The following CHODL variants were observed in gnomAD, a reference collection of about 807,000 sequenced individuals.
CHODL encodes the protein chondrolectin, also known as transmembrane protein MT75.
Under a neutral mutation model 34.5 loss-of-function variants are expected in CHODL, and 29 were observed. That is an observed-to-expected ratio of 0.84 (90% confidence interval 0.63 to 1.15). The LOEUF (loss-of-function observed/expected upper bound fraction) is 1.15, where lower values mean the gene tolerates loss of function less well. CHODL is among the 50% of genes most tolerant of loss of function. The probability of loss-of-function intolerance (pLI) is 0.00; values close to 1 mark genes in which losing one functional copy is unlikely to be tolerated. For missense variants in CHODL, 332 were observed against 332.5 expected (o/e 1.00, Z 0.01); for synonymous variants, 125 against 116.1 (o/e 1.08, Z -0.49).
chr21:18,197,703 C>T (rs1401469995), intron 2 of CHODL, among the ~76,000 whole-genome samples: 3 of 152,026 alleles, frequency 2.0e-5, no homozygotes, highest in Non-Finnish European at 4.4e-5. Flanking sequence ...AGAGTAAAAC[C>T]GAGGGAGAAA....
At chr21:18,104,549 A>T (rs908610858) in intron 2 of CHODL, among the ~76,000 whole-genome samples, 1 of 152,172 alleles carries the variant, frequency 6.6e-6, no homozygotes, top group Non-Finnish European at 1.5e-5. Flanking sequence ...AAAATATACC[A>T]TAGTCATAGA....
chr21:18,251,231 A>G (rs2074232488), intron 1 of CHODL, among the ~76,000 whole-genome samples: 1 of 150,536 alleles, frequency 6.6e-6, no homozygotes, highest in African/African-American at 2.4e-5. Context: ...TCATCTACTT[A>G]TTCATGGAAA....
chr21:18,125,295 T>G (rs1250038859), intron 2 of CHODL, among the ~76,000 whole-genome samples: 1 of 152,208 alleles, frequency 6.6e-6, no homozygotes, highest in Non-Finnish European at 1.5e-5. Flanking sequence ...TCAGTAAATA[T>G]TTTCTGATCT....
intron 1 of CHODL, among the ~76,000 whole-genome samples, chr21:17,922,282 C>T (rs1423263619): frequency 6.6e-6 from 1 of 151,968 alleles, no homozygotes; most frequent in African/African-American, 2.4e-5. Flanking sequence ...TCTGTGAGCT[C>T]ACTCATGTCT....
chr21:18,248,407 A>G (rs2074170281), intron 1 of CHODL, among the ~76,000 whole-genome samples: 2 of 151,388 alleles, frequency 1.3e-5, no homozygotes, highest in African/African-American at 4.9e-5. Context: ...TACTTTAAGT[A>G]TCTCTCGGGC....
intron 2 of CHODL, among the ~76,000 whole-genome samples, chr21:18,211,168 A>ACACACACACT (rs756032552): frequency 2.2e-5 from 3 of 133,762 alleles, no homozygotes; most frequent in African/African-American, 7.9e-5. Context: ...ACACACACAC[A>ACACACACACT]CTCACACTCA....
At chr21:18,207,564 A>T (rs2146717554) in intron 2 of CHODL, among the ~76,000 whole-genome samples, 1 of 147,168 alleles carries the variant, frequency 6.8e-6, no homozygotes, top group East Asian at 2.0e-4. Context: ...CCTTCAGATA[A>T]TTTTTTATTG....
upstream of CHODL, among the ~76,000 whole-genome samples, chr21:18,239,916 A>G (rs2074065283): frequency 6.6e-6 from 1 of 152,064 alleles, no homozygotes; most frequent in African/African-American, 2.4e-5. Context: ...TCATTTTTAT[A>G]GGAAAAAATA....
intron 2 of CHODL, among the ~76,000 whole-genome samples, chr21:18,084,575 G>C (rs1171417138): frequency 6.6e-6 from 1 of 152,032 alleles, no homozygotes; most frequent in African/African-American, 2.4e-5. Flanking sequence ...TGTATAGTTT[G>C]TGAAGGTCTT....
At chr21:18,107,667 G>A (rs1438659965) in intron 2 of CHODL, among the ~76,000 whole-genome samples, 1 of 152,190 alleles carries the variant, frequency 6.6e-6, no homozygotes, top group Non-Finnish European at 1.5e-5. Flanking sequence ...GGGAAATGAA[G>A]TTTCCTCCCA....
chr21:18,133,991 C>T lies in CHODL; in HGVS notation c.-45+106020C>T, dbSNP rs575617890. On this transcript the variant is annotated intron_variant, in intron 2 of 6. Transcript: ENST00000400127. ...ACTATTATATCATCTGTATCAATTACCTATCTATCTCTCTATCATCTATCT... is the reference window on the plus strand; with the variant it reads ...ACTATTATATCATCTGTATCAATTATCTATCTATCTCTCTATCATCTATCT... 1.3e-4 allele frequency among the ~76,000 whole-genome samples: 20 copies of T among 152,252 alleles called. No homozygotes were observed. In the South Asian group the frequency reaches 2.9e-3, roughly 22 times the overall value.
chr21:18,233,359 G>T (rs1254008189), intron 2 of CHODL, among the ~76,000 whole-genome samples: 2 of 152,014 alleles, frequency 1.3e-5, no homozygotes. Context: ...CCACCCTTTT[G>T]CTGTGTGTAT....
intron 2 of CHODL, among the ~76,000 whole-genome samples, chr21:18,207,786 A>G (rs1355090622): frequency 6.7e-6 from 1 of 149,110 alleles, no homozygotes; most frequent in Non-Finnish European, 1.5e-5. Context: ...ATCTCATGCC[A>G]CTCTCTCCTG....
At chr21:18,162,461 G>A (rs554950246) in intron 2 of CHODL, among the ~76,000 whole-genome samples, 10 of 149,948 alleles carry the variant, frequency 6.7e-5, no homozygotes, top group Non-Finnish European at 1.5e-4. Context: ...CTCTCTCTGT[G>A]TATGTAAGTG....
chr21:18,168,072 C>T (rs973659332), intron 2 of CHODL, among the ~76,000 whole-genome samples: 2 of 152,168 alleles, frequency 1.3e-5, no homozygotes, highest in African/African-American at 4.8e-5. Context: ...TATCGGACTC[C>T]AAGTTCTTCA....
At chr21:18,102,873 A>C (rs1319129559) in intron 2 of CHODL, among the ~76,000 whole-genome samples, 2 of 152,186 alleles carry the variant, frequency 1.3e-5, no homozygotes, top group Non-Finnish European at 2.9e-5. Flanking sequence ...TAAGAATTGG[A>C]ACTGAAAGTA....
chr21:17,938,979 T>C (rs2063342291), intron 1 of CHODL, among the ~76,000 whole-genome samples: 2 of 152,218 alleles, frequency 1.3e-5, no homozygotes, highest in South Asian at 4.1e-4. Flanking sequence ...ATCCCTACAC[T>C]ATTCTGAAAA....
chr21:18,004,502 C>A (rs373079997), intron 1 of CHODL, among the ~76,000 whole-genome samples: 1 of 152,162 alleles, frequency 6.6e-6, no homozygotes, highest in African/African-American at 2.4e-5. Flanking sequence ...AATACGTACC[C>A]GTGGCTTTTA....
intron 2 of CHODL, among the ~76,000 whole-genome samples, chr21:18,040,497 CT>C (rs1452787374): frequency 6.6e-6 from 1 of 151,772 alleles, no homozygotes; most frequent in African/African-American, 2.4e-5. Context: ...TTATGGTGAG[CT>C]GATGCTAATT....
Sources: allele counts gnomAD v4.1 joint callset (sites outside exome capture counted in the v4.1 genomes callset), GRCh38; gene constraint gnomAD v4.1.1; transcripts MANE v1.5; gene names NCBI Gene and HGNC (gene_info 2026-07-23, HGNC 2026-07-21).